The following ARHGAP22 variants were observed in gnomAD, a reference collection of about 807,000 sequenced individuals.
ARHGAP22 encodes the protein Rho GTPase activating protein 22.
ARHGAP22 carries 48 observed loss-of-function variants against 59.1 expected under a neutral mutation model. That is an observed-to-expected ratio of 0.81 (90% CI 0.64 to 1.03). The LOEUF is 1.03. Ranked by LOEUF, ARHGAP22 falls within the 50% of genes least tolerant of loss-of-function variation. The pLI is 0.00. For synonymous variants in ARHGAP22, 445 were observed against 416.4 expected (o/e 1.07, Z -0.84); for missense variants, 1,015 against 958.7 (o/e 1.06, Z -0.78).
intron 1 of ARHGAP22, among the ~76,000 whole-genome samples, chr10:48,642,729 T>C (rs894426357): frequency 2.1e-4 from 32 of 152,132 alleles, no homozygotes; most frequent in African/African-American, 4.8e-5. Context: ...AAAGCCAAAA[T>C]TGACAAATGG....
chr10:48,447,629 G>T (rs993993076), intron 9 of ARHGAP22, among the ~76,000 whole-genome samples: 4 of 152,000 alleles, frequency 2.6e-5, no homozygotes, highest in Non-Finnish European at 5.9e-5. Flanking sequence ...CCCCACTGCT[G>T]CCCCTGGCTC....
At chr10:48,564,662 T>C (rs1372384619) in intron 2 of ARHGAP22, among the ~76,000 whole-genome samples, 1 of 152,244 alleles carries the variant, frequency 6.6e-6, no homozygotes, top group Non-Finnish European at 1.5e-5. Context: ...CGACCTCATG[T>C]GCTGGGGCCA....
chr10:48,548,718 G>A (rs2056663019), intron 3 of ARHGAP22, among the ~76,000 whole-genome samples: 1 of 152,218 alleles, frequency 6.6e-6, no homozygotes, highest in African/African-American at 2.4e-5. Flanking sequence ...AGGCCCCCAG[G>A]ATCAAGTCTG....
At chr10:48,655,079 CTTCT>C (rs1482433954), upstream of ARHGAP22, among the ~76,000 whole-genome samples, 16 of 46,086 alleles carry the variant, frequency 3.5e-4, 2 homozygotes, top group African/African-American at 1.2e-3. Flanking sequence ...CTTCTCTTCT[CTTCT>C]CTTCTCTTCT....
At chr10:48,548,491 T>C (rs1248091856) in intron 3 of ARHGAP22, among the ~76,000 whole-genome samples, 1 of 152,258 alleles carries the variant, frequency 6.6e-6, no homozygotes, top group East Asian at 1.9e-4. Flanking sequence ...AGACGGATTT[T>C]AGCAATGAGT....
intron 2 of ARHGAP22, among the ~76,000 whole-genome samples, chr10:48,570,865 C>T (rs146975563): frequency 1.3e-5 from 2 of 152,330 alleles, no homozygotes; most frequent in African/African-American, 2.4e-5. Context: ...GGGTTCCAAA[C>T]GCTCTGCACG....
At chr10:48,568,987 T>C (rs2058232117) in intron 2 of ARHGAP22, among the ~76,000 whole-genome samples, 1 of 152,172 alleles carries the variant, frequency 6.6e-6, no homozygotes, top group Non-Finnish European at 1.5e-5. Context: ...AGCACACTCT[T>C]GGAAGATTTT....
At chr10:48,616,795 T>A (rs2061097855) in intron 1 of ARHGAP22, among the ~76,000 whole-genome samples, 1 of 152,136 alleles carries the variant, frequency 6.6e-6, no homozygotes, top group Admixed American at 6.5e-5. Flanking sequence ...TTGAGACAGT[T>A]AATTGCTAGC....
upstream of ARHGAP22, among the ~76,000 whole-genome samples, chr10:48,652,933 T>G (rs974270503): frequency 2.0e-5 from 3 of 152,246 alleles, no homozygotes; most frequent in Non-Finnish European, 4.4e-5. Context: ...TTCTGGAAAT[T>G]TAGCATCATT....
upstream of ARHGAP22, among the ~76,000 whole-genome samples, chr10:48,654,774 CTTTCTTTCTTTCTT>C (rs1394802701): frequency 3.3e-4 from 14 of 42,762 alleles, no homozygotes; most frequent in African/African-American, 1.3e-3. Context: ...ATGCTGATTA[CTTTCTTTCTTTCTT>C]TCTTTCTTTC....
chr10:48,552,572 G>T (rs1362472575), intron 3 of ARHGAP22, among the ~76,000 whole-genome samples: 2 of 152,334 alleles, frequency 1.3e-5, no homozygotes, highest in East Asian at 1.9e-4. Context: ...GATACTTCCT[G>T]CTCCTGCCCC....
intron 3 of ARHGAP22, among the ~76,000 whole-genome samples, chr10:48,484,809 T>C (rs932379649): frequency 6.6e-6 from 1 of 152,234 alleles, no homozygotes; most frequent in Non-Finnish European, 1.5e-5. Flanking sequence ...GTACTGATAT[T>C]ACCTCTCTCA....
At chr10:48,587,305 G>A (rs2059488393) in intron 1 of ARHGAP22, among the ~76,000 whole-genome samples, 1 of 152,264 alleles carries the variant, frequency 6.6e-6, no homozygotes, top group Non-Finnish European at 1.5e-5. Flanking sequence ...GAGCTGACAA[G>A]TGTTATCAGG....
At chr10:48,491,366 T>A (rs959914277) in intron 3 of ARHGAP22, among the ~76,000 whole-genome samples, 3 of 152,272 alleles carry the variant, frequency 2.0e-5, no homozygotes, top group African/African-American at 4.8e-5. Flanking sequence ...TTTCTTCAGA[T>A]ATTACCTTCT....
chr10:48,490,813 A>G (rs2050317482), intron 3 of ARHGAP22, among the ~76,000 whole-genome samples: 1 of 151,712 alleles, frequency 6.6e-6, no homozygotes, highest in African/African-American at 2.4e-5. Context: ...CGGGAAGTTC[A>G]CCTCCCATCT....
At chr10:48,454,868 A>G in intron 6 of ARHGAP22, 134 bp downstream of exon 6, 1 of 782,088 alleles carries the variant, frequency 1.3e-6, no homozygotes, top group Non-Finnish European at 1.6e-6. Flanking sequence ...CCCCCACCAC[A>G]CCCCCAACAC....
chr10:48,493,753 G>C, intron 3 of ARHGAP22: 1 of 1,002,452 alleles, frequency 1.0e-6, no homozygotes, highest in South Asian at 2.3e-5. Flanking sequence ...GGAGGTCGGC[G>C]TGGTTGTTCT....
chr10:48,505,050 TTTA>T (rs1261662222), intron 3 of ARHGAP22, among the ~76,000 whole-genome samples: 32 of 149,548 alleles, frequency 2.1e-4, no homozygotes, highest in African/African-American at 7.2e-4. Context: ...GAAACTACAT[TTTA>T]TTATTACTAT....
At chr10:48,643,829 A>G (rs1033412214) in intron 1 of ARHGAP22, among the ~76,000 whole-genome samples, 9 of 151,826 alleles carry the variant, frequency 5.9e-5, no homozygotes, top group African/African-American at 1.9e-4. Context: ...TCATGTTAAT[A>G]TATGATAAAA....
Sources: allele counts gnomAD v4.1 joint callset (sites outside exome capture counted in the v4.1 genomes callset), GRCh38; gene constraint gnomAD v4.1.1; transcripts MANE v1.5; gene names NCBI Gene and HGNC (gene_info 2026-07-23, HGNC 2026-07-21).